KLHL24: variants seen among roughly 807,000 people sequenced by gnomAD.
The protein encoded by KLHL24 is kelch-like protein 24.
A neutral mutation model predicts 53.4 loss-of-function variants in KLHL24; 29 were observed. That is an observed-to-expected ratio of 0.54 (90% CI 0.40 to 0.74). The LOEUF is 0.74. KLHL24 is among the 30% of genes least tolerant of loss of function. The pLI, the probability that KLHL24 is intolerant of heterozygous loss-of-function variation, is 0.00. For synonymous variants in KLHL24, 222 were observed against 253.7 expected, an observed-to-expected ratio of 0.88 and a Z score of 1.19; for missense variants, 504 against 744.0, an observed-to-expected ratio of 0.68 and a Z score of 3.75.
intron 2 of KLHL24, among the ~76,000 whole-genome samples, chr3:183,643,814 A>G (rs1716820338): frequency 6.6e-6 from 1 of 152,192 alleles, no homozygotes; most frequent in African/African-American, 2.4e-5. Flanking sequence ...TTGTTTGGAA[A>G]GAAGCTTTTC....
chr3:183,672,265 A>G, intron 6 of KLHL24, 31 bp from the exon 7 acceptor site: 2 of 1,222,252 alleles, frequency 1.6e-6, no homozygotes, highest in Non-Finnish European at 1.1e-6. Flanking sequence ...TTGTTTAGAA[A>G]TTTTAATTAT....
rs771174168 is a variant in KLHL24, at chr3:183,672,433, C to T, written c.1551C>T (p.Tyr517=). The change falls in exon 7 of 8, where the codon TAC becomes TAT. Residue 517 remains tyrosine (Y), a synonymous_variant. Transcript: ENST00000242810. ...AGGLTKAIYC[Y]DPVEDYWMHV... ...GACTGACCAAGGCAATATACTGTTA[C>T]GATCCAGTTGAAGATTACTGGATGC... 74 of 1,613,070 alleles carry T rather than the reference C, an allele frequency of 4.6e-5. No homozygotes were observed. The highest frequency in any genetic ancestry group is 3.1e-4 in the East Asian group (14 of 44,870).
At chr3:183,654,512 TTA>T (rs1275455431) in intron 3 of KLHL24, among the ~76,000 whole-genome samples, 2 of 151,816 alleles carry the variant, frequency 1.3e-5, no homozygotes, top group African/African-American at 4.9e-5. Flanking sequence ...TTTTAAATTT[TTA>T]TATATGTTTT....
At chr3:183,677,465 T>C (rs1246034976) in intron 7 of KLHL24, among the ~76,000 whole-genome samples, 2 of 152,196 alleles carry the variant, frequency 1.3e-5, no homozygotes. Context: ...TGGGTGTCTA[T>C]AAATTCTAAT....
rs1234827398 is a variant in KLHL24 at position 183,653,367 on chromosome 3, TG to T, written c.920+2094del. Among the ~76,000 whole-genome samples, 4 of 152,214 alleles carry T rather than the reference TG, an allele frequency of 2.6e-5. No individual in the cohort carries two copies. In the East Asian group the frequency reaches 5.8e-4, roughly 22 times the overall value. ...GGAATTAGGAGACTGGAGAGACCACTGGGTGAAACAGAAGGATTTTATTTAG... is the reference window on the plus strand; with the variant it reads ...GGAATTAGGAGACTGGAGAGACCACTGGTGAAACAGAAGGATTTTATTTAG... On this transcript the variant is annotated intron_variant, in intron 3 of 7. Coordinates refer to ENST00000242810, the MANE Select transcript of KLHL24 (RefSeq NM_017644.3).
chr3:183,646,055 G>GT (rs71185669), intron 2 of KLHL24, among the ~76,000 whole-genome samples: 90 of 145,372 alleles, frequency 6.2e-4, no homozygotes, highest in Middle Eastern at 3.5e-3. Flanking sequence ...TTTTTGTTTT[G>GT]TTTTTTTTTT....
chr3:183,646,043 GTTTT>G (rs1293254423), intron 2 of KLHL24, among the ~76,000 whole-genome samples: 1 of 130,364 alleles, frequency 7.7e-6, no homozygotes, highest in Admixed American at 7.5e-5. Context: ...AATTTTCTGG[GTTTT>G]TTGTTTTGTT....
chr3:183,672,340 A>G lies in KLHL24; in HGVS notation c.1458A>G (p.Ala486=), dbSNP rs201015864. ...DPETNSWLLR[A]AIPIAKRCIT... Reference sequence around the variant, plus strand: ...AAACCAATTCTTGGCTACTTCGTGCAGCTATCCCAATTGCCAAAAGGTGTA... The same window carrying G: ...AAACCAATTCTTGGCTACTTCGTGCGGCTATCCCAATTGCCAAAAGGTGTA... The change falls in exon 7 of 8, where the codon GCA becomes GCG. Residue 486 remains alanine, a synonymous_variant. Coordinates refer to ENST00000242810, the MANE Select transcript of KLHL24 (RefSeq NM_017644.3). The G allele has an allele frequency of 2.1e-5, 33 of 1,609,710 alleles. No homozygotes were observed. In the East Asian group the frequency reaches 5.6e-4, roughly 27 times the overall value.
At chr3:183,676,331 G>A (rs1268651532) in intron 7 of KLHL24, among the ~76,000 whole-genome samples, 1 of 152,098 alleles carries the variant, frequency 6.6e-6, no homozygotes, top group Non-Finnish European at 1.5e-5. Flanking sequence ...CTTGACCTTA[G>A]GTGATCCGCC....
chr3:183,679,078 T>A lies in KLHL24; in HGVS notation c.1603-8T>A, dbSNP rs184613068. The A allele has an allele frequency of 4.8e-5, 77 of 1,609,060 alleles. No homozygotes were observed. The East Asian group carries it at 1.6e-3, about 34-fold the overall frequency. ...GTTAATTTTTTGTTTATATATTTGG[T>A]TAAACAGGAAAACTGTGGTATGTCT... On this transcript the variant is annotated splice_region_variant and splice_polypyrimidine_tract_variant and intron_variant, in intron 7 of 7. Transcript: ENST00000242810.
intron 7 of KLHL24, among the ~76,000 whole-genome samples, chr3:183,673,248 C>T (rs1251211353): frequency 6.6e-6 from 1 of 152,074 alleles, no homozygotes; most frequent in Non-Finnish European, 1.5e-5. Context: ...TTCATGTTTG[C>T]TTGAATTATT....
intron 1 of KLHL24, among the ~76,000 whole-genome samples, chr3:183,641,474 C>CAAAAAAAAAAAAAAAAAAAAAAAAAAAA (rs202119480): frequency 1.4e-5 from 1 of 70,270 alleles, no homozygotes. Context: ...GAGACTGTCT[C>CAAAAAAAAAAAAAAAAAAAAAAAAAAAA]AAAAAAAAAA....
Position 183,663,370 on chromosome 3 carries a change from T to G in KLHL24, c.921-88T>G, listed in dbSNP as rs78811639. The stretch of plus-strand genomic sequence containing the variant: ...TAACTGTTTATAATAGTGCGTGGTT[T>G]GTTTTTAGAGTTTTAAGAAAAAATC... On this transcript the variant is annotated intron_variant, in intron 3 of 7. Transcript: ENST00000242810. The surrounding 1 kb of genome is among the most constrained non-coding windows in gnomAD (Gnocchi z 4.9). 3.1e-3 allele frequency: 2,031 copies of G among 650,106 alleles called. 38 individuals carry two copies. The East Asian group carries it at 0.047, about 15-fold the overall frequency. 40.3% of individuals were successfully genotyped at this position (650,106 alleles called of 1,614,324 possible). A position where few individuals can be genotyped will look rare whatever the true frequency, so the allele number is the denominator to read the frequency against.
chr3:183,675,786 A>AT (rs1711739108), intron 7 of KLHL24, among the ~76,000 whole-genome samples: 1 of 149,758 alleles, frequency 6.7e-6, no homozygotes. Context: ...TTAAAAAAAA[A>AT]AGAAAGAAAA....
At chr3:183,647,730 G>A (rs1470100497) in intron 2 of KLHL24, among the ~76,000 whole-genome samples, 9 of 152,136 alleles carry the variant, frequency 5.9e-5, no homozygotes, top group Non-Finnish European at 1.0e-4. Context: ...CAGGCTGAGC[G>A]CAGTGGCTCA....
chr3:183,636,275 A>C (rs1311808527), intron 1 of KLHL24: 1 of 152,110 alleles, frequency 6.6e-6, no homozygotes, highest in East Asian at 1.9e-4. Flanking sequence ...TGGTGGGACG[A>C]CCGTCGGTTC....
intron 3 of KLHL24, among the ~76,000 whole-genome samples, chr3:183,658,866 C>A (rs767085229): frequency 6.6e-6 from 1 of 151,194 alleles, no homozygotes; most frequent in Non-Finnish European, 1.5e-5. Context: ...GTGACACAGT[C>A]GTAGCTCACT....
chr3:183,662,706 T>G (rs1043143266), intron 3 of KLHL24, among the ~76,000 whole-genome samples: 5 of 152,186 alleles, frequency 3.3e-5, no homozygotes, highest in African/African-American at 1.2e-4. Flanking sequence ...TAAAAATAGC[T>G]CAGGCTCATT....
intron 1 of KLHL24, among the ~76,000 whole-genome samples, chr3:183,638,039 A>G (rs895616536): frequency 1.3e-5 from 2 of 152,236 alleles, no homozygotes; most frequent in African/African-American, 2.4e-5. Flanking sequence ...CCTATTGGTT[A>G]TGCATTCTTT....
Sources: gnomAD v4.1 joint callset for allele counts (sites outside exome capture counted in the v4.1 genomes callset) on GRCh38, gnomAD v4.1.1 for gene constraint, Gnocchi (gnomAD v3.1) non-coding constraint, MANE v1.5 for transcripts, NCBI Gene and HGNC (gene_info 2026-07-23, HGNC 2026-07-21) for gene names.